PELI2: variants seen among roughly 807,000 people sequenced by gnomAD.
The protein encoded by PELI2 is pellino E3 ubiquitin protein ligase family member 2, also known as E3 ubiquitin-protein ligase pellino homolog 2.
Under a neutral mutation model 42.3 loss-of-function variants are expected in PELI2, and 23 were observed. That is an observed-to-expected ratio of 0.54 (90% CI 0.39 to 0.77). PELI2 has a LOEUF of 0.77. PELI2 is among the 30% of genes least tolerant of loss of function. The probability of loss-of-function intolerance (pLI) is 0.00; values close to 1 mark genes in which losing one functional copy is unlikely to be tolerated. For synonymous variants in PELI2, 245 were observed against 212.2 expected (o/e 1.15, Z -1.34); for missense variants, 463 against 553.2 (o/e 0.84, Z 1.64).
intron 2 of PELI2, among the ~76,000 whole-genome samples, chr14:56,264,299 A>G (rs370394987): frequency 6.6e-6 from 1 of 152,222 alleles, no homozygotes; most frequent in Admixed American, 6.5e-5. Flanking sequence ...AGTGTTCCCC[A>G]GTATTCCTAG....
chr14:56,285,548 G>A (rs926876721), intron 3 of PELI2, among the ~76,000 whole-genome samples: 2 of 152,130 alleles, frequency 1.3e-5, no homozygotes, highest in Non-Finnish European at 2.9e-5. Flanking sequence ...AAAGAAAAGG[G>A]AAGGGGGGAC....
At chr14:56,240,298 C>T (rs931957535) in intron 2 of PELI2, among the ~76,000 whole-genome samples, 2 of 151,826 alleles carry the variant, frequency 1.3e-5, no homozygotes, top group Non-Finnish European at 2.9e-5. Flanking sequence ...GGGGGCCTGA[C>T]GGTGGAGCAG....
At chr14:56,275,022 G>A (rs1293044562) in intron 2 of PELI2, among the ~76,000 whole-genome samples, 1 of 152,154 alleles carries the variant, frequency 6.6e-6, no homozygotes, top group African/African-American at 2.4e-5. Flanking sequence ...AAGACCTGAA[G>A]AAAGAAACTC....
At chr14:56,166,388 A>G (rs1024216534) in intron 1 of PELI2, among the ~76,000 whole-genome samples, 3 of 152,164 alleles carry the variant, frequency 2.0e-5, no homozygotes, top group Admixed American at 2.0e-4. Context: ...TCTACTTAGG[A>G]TAAGAGTAGT....
chr14:56,263,650 T>C (rs991551827), intron 2 of PELI2, among the ~76,000 whole-genome samples: 4 of 152,108 alleles, frequency 2.6e-5, no homozygotes, highest in African/African-American at 9.7e-5. Flanking sequence ...CAGGAAGATA[T>C]AAATATATTT....
At chr14:56,293,493 A>G (rs1413765087) in intron 5 of PELI2, among the ~76,000 whole-genome samples, 2 of 119,012 alleles carry the variant, frequency 1.7e-5, no homozygotes, top group Non-Finnish European at 3.5e-5. Flanking sequence ...TACATGTCTA[A>G]TAGGACTGTT....
At chr14:56,170,344 G>A (rs558189589) in intron 1 of PELI2, among the ~76,000 whole-genome samples, 39 of 152,298 alleles carry the variant, frequency 2.6e-4, no homozygotes, top group Middle Eastern at 6.8e-3. Flanking sequence ...AAATGTGACT[G>A]GGAGCACCTA....
chr14:56,291,766 A>G (rs1451386300), intron 5 of PELI2, among the ~76,000 whole-genome samples: 1 of 152,254 alleles, frequency 6.6e-6, no homozygotes, highest in African/African-American at 2.4e-5. Context: ...TCATCTGCAC[A>G]GCAGCCCTCT....
intron 2 of PELI2, among the ~76,000 whole-genome samples, chr14:56,269,806 A>G (rs984487603): frequency 6.6e-6 from 1 of 152,222 alleles, no homozygotes; most frequent in African/African-American, 2.4e-5. Flanking sequence ...GGAGCTTTTC[A>G]TCTAATTGGA....
chr14:56,124,175 TA>T (rs1353975879), intron 1 of PELI2, among the ~76,000 whole-genome samples: 1 of 152,240 alleles, frequency 6.6e-6, no homozygotes, highest in African/African-American at 2.4e-5. Flanking sequence ...AAGTGCTTCA[TA>T]TTTCTTAGCT....
intron 2 of PELI2, among the ~76,000 whole-genome samples, chr14:56,258,785 A>C (rs1888610932): frequency 6.6e-6 from 1 of 152,122 alleles, no homozygotes; most frequent in Admixed American, 6.6e-5. Context: ...AGATAAGTGG[A>C]GGTAAAGGTA....
At chr14:56,292,547 GAAAT>G (rs1480227100) in intron 5 of PELI2, among the ~76,000 whole-genome samples, 1 of 152,178 alleles carries the variant, frequency 6.6e-6, no homozygotes, top group Admixed American at 6.5e-5. Context: ...AGAAATATGA[GAAAT>G]AAAGTGAGCT....
rs539007320 is a variant in PELI2, at chr14:56,203,109, G to A, written c.207+24645G>A. On this transcript the variant is annotated intron_variant, in intron 2 of 5. Coordinates refer to ENST00000267460, the MANE Select transcript of PELI2 (RefSeq NM_021255.3). ...CATGTGATAATAGTATTGTGATTAT[G>A]TAGAAAATTGCCGAAAGATCTAGGG... Among the ~76,000 whole-genome samples, 10 of 152,270 alleles carry A rather than the reference G, an allele frequency of 6.6e-5. No homozygotes were observed. In the South Asian group the frequency reaches 1.2e-3, roughly 19 times the overall value.
At chr14:56,213,195 TG>T (rs1388391494) in intron 2 of PELI2, among the ~76,000 whole-genome samples, 1 of 152,266 alleles carries the variant, frequency 6.6e-6, no homozygotes, top group Non-Finnish European at 1.5e-5. Context: ...ACATCACTTC[TG>T]GTGGTTACCT....
intron 1 of PELI2, among the ~76,000 whole-genome samples, chr14:56,149,575 G>A (rs1303375128): frequency 6.6e-6 from 1 of 152,004 alleles, no homozygotes; most frequent in South Asian, 2.1e-4. Flanking sequence ...CAGTTTCCTT[G>A]GAGATTGGAG....
At chr14:56,186,921 T>C (rs116456359) in intron 2 of PELI2, among the ~76,000 whole-genome samples, 1,759 of 152,306 alleles carry the variant, frequency 0.012, 31 homozygotes, top group African/African-American at 0.039. Context: ...ATTTGAATTA[T>C]GACCCTGATT....
rs1394867041 is a variant in PELI2, at chr14:56,290,391, A to G, written c.631A>G (p.Ile211Val). Residue 211 changes from isoleucine (I) to valine (V), a missense_variant, in exon 5 of 6, where the codon ATC becomes GTC. Around this residue, in one of 3 missense-constraint regions of PELI2, gnomAD observed 343 missense variants for 378.4 expected, o/e 0.91. Coordinates refer to ENST00000267460, the MANE Select transcript of PELI2 (RefSeq NM_021255.3). ...GTCCCAGCCCGGGGTCTGGCGCGAGATCTCTGTCTGTGGAGATGTGTACAC... is the reference window on the plus strand; with the variant it reads ...GTCCCAGCCCGGGGTCTGGCGCGAGGTCTCTGTCTGTGGAGATGTGTACAC... ...EESQPGVWRE[I>V]SVCGDVYTLR... 6 of 1,613,740 alleles carry G rather than the reference A, an allele frequency of 3.7e-6. No homozygotes were observed. The South Asian group carries it at 4.4e-5, about 12-fold the overall frequency.
In PELI2 at chr14:56,168,594, G is replaced by T. The variant is rs374770424; in HGVS notation, c.78-9741G>T. On this transcript the variant is annotated intron_variant, in intron 1 of 5. Transcript: ENST00000267460. ...GTGGGGTCCCCTTTGGTCCAGGGAAGGACCAGAAATGCCATCCAAGAGTCA... is the reference window on the plus strand; with the variant it reads ...GTGGGGTCCCCTTTGGTCCAGGGAATGACCAGAAATGCCATCCAAGAGTCA... Among the ~76,000 whole-genome samples, 21 of 152,016 alleles carry T rather than the reference G, an allele frequency of 1.4e-4. 1 individual carries two copies. The highest frequency in any genetic ancestry group is 8.5e-4 in the Admixed American group (13 of 15,280).
At chr14:56,144,547 A>G (rs1249442460) in intron 1 of PELI2, among the ~76,000 whole-genome samples, 1 of 152,238 alleles carries the variant, frequency 6.6e-6, no homozygotes, top group Admixed American at 6.5e-5. Flanking sequence ...CCTTCATGGC[A>G]GCATGCAGAT....
Sources: allele counts gnomAD v4.1 joint callset (sites outside exome capture counted in the v4.1 genomes callset), GRCh38; gene constraint gnomAD v4.1.1; regional missense constraint gnomAD v4.1.1; transcripts MANE v1.5; gene names NCBI Gene and HGNC (gene_info 2026-07-23, HGNC 2026-07-21).